The following VPS26A variants were observed in gnomAD, a reference collection of about 807,000 sequenced individuals.
The protein encoded by VPS26A is VPS26 retromer complex component A.
Under a neutral mutation model 42.4 loss-of-function variants are expected in VPS26A, and 22 were observed. The ratio of observed to expected loss-of-function variants is 0.52; its 90% confidence interval spans 0.37 to 0.74. The LOEUF (loss-of-function observed/expected upper bound fraction) is 0.74, where lower values mean the gene tolerates loss of function less well. VPS26A is among the 30% of genes least tolerant of loss of function. The pLI is 0.00. For synonymous variants in VPS26A, 110 were observed against 123.5 expected (o/e 0.89, Z 0.73); for missense variants, 276 against 379.2 (o/e 0.73, Z 2.26).
At chr10:69,131,039 G>T (rs908461972) in intron 1 of VPS26A, among the ~76,000 whole-genome samples, 2 of 152,084 alleles carry the variant, frequency 1.3e-5, no homozygotes, top group African/African-American at 4.8e-5. Flanking sequence ...GGGCTAGAGC[G>T]CAGTGGTGCG....
intron 1 of VPS26A, 137 bp from the exon 2 acceptor site, chr10:69,132,761 A>G (rs1477716358): frequency 2.8e-5 from 25 of 904,504 alleles, no homozygotes; most frequent in Non-Finnish European, 3.8e-5. Flanking sequence ...AGCATTTGAT[A>G]TATGTTTTTA....
chr10:69,132,956 G>C lies in VPS26A; in HGVS notation c.62G>C (p.Gly21Ala). ...ICEIDIVLND[G>A]ETRKMAEMKT... ...GAGATCGATATTGTTCTTAATGATG[G>C]GGAAACCAGGAAAATGGCAGAAATG... Residue 21 changes from glycine (G) to alanine (A), a missense_variant, in exon 2 of 9, where the codon GGG (glycine) becomes GCG (alanine). Coordinates refer to ENST00000263559, the MANE Select transcript of VPS26A (RefSeq NM_004896.5). The C allele has an allele frequency of 6.2e-7, 1 of 1,611,580 alleles. No homozygotes were observed. Among genetic ancestry groups the C allele is most frequent in the Non-Finnish European group, 8.5e-7 (1 of 1,179,448 alleles).
In VPS26A at chr10:69,172,798, A is replaced by G. The variant is rs1378703972; in HGVS notation, c.*1529A>G. ...AATATTCAAAGAGATTTTGAAAACC[A>G]ATTGTATTTAACCAGCCTCAAATTG... is the stretch of plus-strand genomic sequence containing the variant. On this transcript the variant is annotated 3_prime_UTR_variant, in exon 9 of 9. Coordinates refer to ENST00000263559, the MANE Select transcript of VPS26A (RefSeq NM_004896.5). The G allele has an allele frequency of 1.3e-5, 2 of 152,654 alleles. No individual in the cohort carries two copies. Among genetic ancestry groups the G allele is most frequent in the African/African-American group, 4.8e-5 (2 of 41,462 alleles). The allele number at this position is 152,654 out of a possible 1,614,324, so 9.5% of individuals were successfully genotyped here. A position where few individuals can be genotyped will look rare whatever the true frequency, so the allele number is the denominator to read the frequency against.
At chr10:69,155,275 G>T (rs1841408886) in intron 2 of VPS26A, among the ~76,000 whole-genome samples, 1 of 152,150 alleles carries the variant, frequency 6.6e-6, no homozygotes, top group Non-Finnish European at 1.5e-5. Flanking sequence ...TAATATATTG[G>T]TTACAGAAAA....
rs1261480638 is a variant in VPS26A, at chr10:69,166,130, C to G, written c.727+20C>G. ...TAAAAGGTAACACACTTTTCAGTTACTTCTTTTGTATAGTGCAAACATCAG... is the reference window on the plus strand; with the variant it reads ...TAAAAGGTAACACACTTTTCAGTTAGTTCTTTTGTATAGTGCAAACATCAG... On this transcript the variant is annotated intron_variant, in intron 7 of 8. Transcript: ENST00000263559. 3.7e-6 allele frequency: 6 copies of G among 1,607,638 alleles called. No homozygotes were observed. The highest frequency in any genetic ancestry group is 5.1e-6 in the Non-Finnish European group (6 of 1,174,896).
intron 6 of VPS26A, among the ~76,000 whole-genome samples, chr10:69,163,362 C>A (rs1365288550): frequency 1.3e-5 from 2 of 152,200 alleles, no homozygotes; most frequent in African/African-American, 4.8e-5. Flanking sequence ...TCAAGCTATC[C>A]TCCCACCTCT....
At chr10:69,151,092 C>T (rs916802791) in intron 2 of VPS26A, among the ~76,000 whole-genome samples, 2 of 151,236 alleles carry the variant, frequency 1.3e-5, no homozygotes, top group Non-Finnish European at 2.9e-5. Context: ...GGTGAAACCC[C>T]GTCTCTACTA....
chr10:69,151,477 C>A lies in VPS26A; in HGVS notation c.154-4335C>A, dbSNP rs28475577. ...AAAAAAAAAAAAAAAAAAAAAAATT[C>A]TTGACCCAGCTCACCAGCATAGTTA... is the stretch of plus-strand genomic sequence containing the variant. On this transcript the variant is annotated intron_variant, in intron 2 of 8. Coordinates refer to ENST00000263559, the MANE Select transcript of VPS26A (RefSeq NM_004896.5). Among the ~76,000 whole-genome samples the A allele has an allele frequency of 1.9e-4, 27 of 144,442 alleles. 1 individual carries two copies. In the South Asian group the frequency reaches 5.7e-3, roughly 30 times the overall value. 94.8% of individuals were successfully genotyped at this position (144,442 alleles called of 152,430 possible).
At chr10:69,127,370 G>A (rs191880163) in intron 1 of VPS26A, among the ~76,000 whole-genome samples, 117 of 151,248 alleles carry the variant, frequency 7.7e-4, no homozygotes, top group African/African-American at 2.6e-3. Context: ...TGGCTAACAC[G>A]GTGAAACCCC....
chr10:69,128,484 C>G lies in VPS26A; in HGVS notation c.3+4204C>G, dbSNP rs550205683. Among the ~76,000 whole-genome samples the G allele has an allele frequency of 5.3e-5, 8 of 152,070 alleles. No homozygotes were observed. In the South Asian group the frequency reaches 1.7e-3, roughly 32 times the overall value. ...TGACCTTGTGATCCTCCTGCTTCGG[C>G]CTCCCAAACTGCTGGGATTACACGC... is the stretch of plus-strand genomic sequence containing the variant. On this transcript the variant is annotated intron_variant, in intron 1 of 8. Coordinates refer to ENST00000263559, the MANE Select transcript of VPS26A (RefSeq NM_004896.5).
chr10:69,160,641 G>A (rs1387021900), intron 5 of VPS26A, among the ~76,000 whole-genome samples: 1 of 151,890 alleles, frequency 6.6e-6, no homozygotes, highest in Non-Finnish European at 1.5e-5. Flanking sequence ...TAGTAGAGAT[G>A]GGGTTTCACC....
rs151136046 is a variant in VPS26A, at chr10:69,149,727, G to GTTTTTTTTT, written c.154-6079_154-6078insTTTTTTTTT. ...ACCATGGAATGTTAACTTTCTTGGTGTTTTTTGTTTTTTTTTTTTTTTTTT... is the reference window on the plus strand; with the variant it reads ...ACCATGGAATGTTAACTTTCTTGGTGTTTTTTTTTTTTTTTGTTTTTTTTTTTTTTTTTT... On this transcript the variant is annotated intron_variant, in intron 2 of 8. Coordinates refer to ENST00000263559, the MANE Select transcript of VPS26A (RefSeq NM_004896.5). Among the ~76,000 whole-genome samples, 33 of 93,950 alleles carry GTTTTTTTTT rather than the reference G, an allele frequency of 3.5e-4. 6 individuals carry two copies. The highest frequency in any genetic ancestry group is 1.5e-3 in the East Asian group (5 of 3,228). The allele number at this position is 93,950 out of a possible 152,430, so 61.6% of individuals were successfully genotyped here.
At chr10:69,162,209 T>C (rs1480170505) in intron 5 of VPS26A, among the ~76,000 whole-genome samples, 197 bp from the exon 6 acceptor site, 1 of 152,042 alleles carries the variant, frequency 6.6e-6, no homozygotes, top group Non-Finnish European at 1.5e-5. Flanking sequence ...AGGATGGTCT[T>C]GAACTCCTGA....
intron 5 of VPS26A, among the ~76,000 whole-genome samples, chr10:69,160,542 C>T (rs1471989069): frequency 1.3e-5 from 2 of 151,750 alleles, no homozygotes; most frequent in South Asian, 4.2e-4. Context: ...ACCTCTACCT[C>T]CTGAGTTCAA....
chr10:69,129,005 A>G (rs1169358320), intron 1 of VPS26A, among the ~76,000 whole-genome samples: 1 of 151,480 alleles, frequency 6.6e-6, no homozygotes, highest in South Asian at 2.1e-4. Flanking sequence ...TCAAAAAAAA[A>G]AAAAAAAAAA....
intron 7 of VPS26A, among the ~76,000 whole-genome samples, 154 bp downstream of exon 7, chr10:69,166,264 A>G (rs1841685791): frequency 6.6e-6 from 1 of 152,254 alleles, no homozygotes; most frequent in African/African-American, 2.4e-5. Context: ...GCTGCAAAGA[A>G]GACTGTAATT....
At position 69,166,073 on chromosome 10, in the gene VPS26A, C is replaced by A; in HGVS notation, c.690C>A (p.Ile230=). The part of the protein sequence containing the change: ...GPSTTTETET[I]AKYEIMDGAP... ...GTACCACAACAGAAACAGAAACAATCGCCAAATATGAAATAATGGATGGTG... is the reference window on the plus strand; with the variant it reads ...GTACCACAACAGAAACAGAAACAATAGCCAAATATGAAATAATGGATGGTG... The change falls in exon 7 of 9, where the codon ATC becomes ATA. Residue 230 remains isoleucine (I), a synonymous_variant. Coordinates refer to ENST00000263559, the MANE Select transcript of VPS26A (RefSeq NM_004896.5). The A allele has an allele frequency of 4.3e-6, 7 of 1,613,930 alleles. No individual in the cohort carries two copies. The East Asian group carries it at 1.1e-4, about 26-fold the overall frequency.
chr10:69,153,978 G>A (rs369058710), intron 2 of VPS26A, among the ~76,000 whole-genome samples: 1 of 152,108 alleles, frequency 6.6e-6, no homozygotes, highest in South Asian at 2.1e-4. Context: ...AGGGGAACCC[G>A]GTAGGATTGT....
intron 1 of VPS26A, among the ~76,000 whole-genome samples, chr10:69,125,663 A>G (rs762331093): frequency 6.6e-6 from 1 of 152,362 alleles, no homozygotes; most frequent in East Asian, 1.9e-4. Context: ...TTTTCAAGTT[A>G]CCCAAACAGA....
Sources: gnomAD v4.1 joint callset for allele counts (sites outside exome capture counted in the v4.1 genomes callset) on GRCh38, gnomAD v4.1.1 for gene constraint, MANE v1.5 for transcripts, NCBI Gene and HGNC (gene_info 2026-07-23, HGNC 2026-07-21) for gene names.